The following BIN3 variants were observed in gnomAD, a reference collection of about 807,000 sequenced individuals.
BIN3 encodes the protein bridging integrator 3.
A neutral mutation model predicts 38.2 loss-of-function variants in BIN3; 41 were observed. The ratio of observed to expected loss-of-function variants is 1.07; its 90% CI spans 0.84 to 1.39. The LOEUF is 1.39. Among genes scored for constraint, BIN3 ranks in the 40% most tolerant of loss-of-function variants. BIN3 has a pLI of 0.00. For synonymous variants in BIN3, 145 were observed against 122.6 expected (o/e 1.18, Z -1.21); for missense variants, 361 against 324.3 (o/e 1.11, Z -0.87).
At chr8:22,651,938 G>A (rs1047748970) in intron 1 of BIN3, among the ~76,000 whole-genome samples, 1 of 148,926 alleles carries the variant, frequency 6.7e-6, no homozygotes, top group Non-Finnish European at 1.5e-5. Context: ...CTCCTTGGCT[G>A]GTCCTCTAAT....
At chr8:22,653,100 G>T (rs551248515) in intron 1 of BIN3, among the ~76,000 whole-genome samples, 1 of 152,340 alleles carries the variant, frequency 6.6e-6, no homozygotes, top group South Asian at 2.1e-4. Flanking sequence ...TTCTTGTACA[G>T]TGACTAATCT....
intron 2 of BIN3, among the ~76,000 whole-genome samples, chr8:22,639,234 T>C (rs1802462075): frequency 7.3e-6 from 1 of 137,512 alleles, no homozygotes; most frequent in African/African-American, 2.8e-5. Context: ...GTACTAAGCA[T>C]TTTTTTTTTT....
chr8:22,634,373 C>T (rs1291964159), intron 4 of BIN3: 3 of 414,868 alleles, frequency 7.2e-6, no homozygotes, highest in Non-Finnish European at 1.5e-5. Flanking sequence ...TGGCACAGAC[C>T]AAGACGGCCA....
intron 6 of BIN3, among the ~76,000 whole-genome samples, chr8:22,629,353 C>T (rs914530276): frequency 6.6e-6 from 1 of 152,190 alleles, no homozygotes; most frequent in Non-Finnish European, 1.5e-5. Flanking sequence ...TAAGGCACGG[C>T]TCTGCCTGTT....
At position 22,623,271 on chromosome 8, in the gene BIN3, G is replaced by A. The variant is rs954727402; in HGVS notation, c.615+644C>T. Among the ~76,000 whole-genome samples, 5 of 152,310 alleles carry A rather than the reference G, an allele frequency of 3.3e-5. 1 individual carries two copies. The highest frequency in any genetic ancestry group is 6.5e-5 in the Admixed American group (1 of 15,306). On this transcript the variant is annotated intron_variant, in intron 8 of 8. Coordinates refer to ENST00000276416, the MANE Select transcript of BIN3 (RefSeq NM_018688.6). ...CCTTCCTAAAGGCTTGAAGATGGAG[G>A]AGGGTGAGGAGCATGCCACTCCGTG... is the stretch of plus-strand genomic sequence containing the variant.
intron 1 of BIN3, among the ~76,000 whole-genome samples, chr8:22,649,513 C>G (rs1802815869): frequency 6.6e-6 from 1 of 152,050 alleles, no homozygotes; most frequent in Admixed American, 6.6e-5. Context: ...AAAACCCAGC[C>G]ACGATTCCGC....
At chr8:22,655,810 G>C (rs1044471649) in intron 1 of BIN3, among the ~76,000 whole-genome samples, 2 of 152,152 alleles carry the variant, frequency 1.3e-5, no homozygotes, top group Non-Finnish European at 2.9e-5. Context: ...TGCATTTAGA[G>C]TTTGAGTGTA....
rs996900318 is a variant in BIN3, at chr8:22,669,024, G to A, written c.8+20C>T. 3 of 1,576,116 alleles carry A rather than the reference G, an allele frequency of 1.9e-6. No individual in the cohort carries two copies. The highest frequency in any genetic ancestry group is 2.7e-5 in the African/African-American group (2 of 73,988). On this transcript the variant is annotated intron_variant, in intron 1 of 8. Coordinates refer to ENST00000276416, the MANE Select transcript of BIN3 (RefSeq NM_018688.6). ...CGGGTCCGCGGGTCCAGCAGCTCCC[G>A]CCGCCTGGGCCTCACTCACCAGCTC...
At chr8:22,668,699 G>C (rs1274640850) in intron 1 of BIN3, among the ~76,000 whole-genome samples, 3 of 152,238 alleles carry the variant, frequency 2.0e-5, no homozygotes, top group Non-Finnish European at 2.9e-5. Context: ...ATGCCCACAG[G>C]AGAGAAAGAC....
rs563466303 is a variant in BIN3, at chr8:22,659,656, G to A, written c.8+9388C>T. Reference sequence around the variant, plus strand: ...TCCTGCACTTCACAGGAGAAACAGCGCAGTAGATCAGGGGATGGGCCCTGG... The same window carrying A: ...TCCTGCACTTCACAGGAGAAACAGCACAGTAGATCAGGGGATGGGCCCTGG... On this transcript the variant is annotated intron_variant, in intron 1 of 8. Coordinates refer to ENST00000276416, the MANE Select transcript of BIN3 (RefSeq NM_018688.6). Among the ~76,000 whole-genome samples, 7 of 152,308 alleles carry A rather than the reference G, an allele frequency of 4.6e-5. No homozygotes were observed. In the East Asian group the frequency reaches 1.3e-3, roughly 29 times the overall value.
At chr8:22,660,858 C>T (rs894653479) in intron 1 of BIN3, among the ~76,000 whole-genome samples, 3 of 152,120 alleles carry the variant, frequency 2.0e-5, no homozygotes, top group Non-Finnish European at 4.4e-5. Flanking sequence ...GAGTATCGCA[C>T]CCTGAGATTG....
intron 4 of BIN3, among the ~76,000 whole-genome samples, chr8:22,632,534 A>G (rs1802239265): frequency 1.3e-5 from 2 of 152,248 alleles, no homozygotes; most frequent in Non-Finnish European, 2.9e-5. Flanking sequence ...AACGTTACGT[A>G]TAACTTGATT....
intron 1 of BIN3, among the ~76,000 whole-genome samples, chr8:22,661,747 C>A (rs73212803): frequency 0.042 from 6,448 of 152,082 alleles, 202 homozygotes; most frequent in Non-Finnish European, 0.064. Context: ...TGAGATTTGC[C>A]CACACTGGTA....
intron 4 of BIN3, among the ~76,000 whole-genome samples, chr8:22,631,144 C>A (rs1802185703): frequency 6.6e-6 from 1 of 152,158 alleles, no homozygotes; most frequent in African/African-American, 2.4e-5. Context: ...GTGGCTGTTT[C>A]AATAAAACTT....
rs1409583367 is a variant in BIN3 at position 22,624,057 on chromosome 8, A to G, written c.481-8T>C. 1.2e-6 allele frequency: 2 copies of G among 1,611,340 alleles called. No homozygotes were observed. The highest frequency in any genetic ancestry group is 1.7e-6 in the Non-Finnish European group (2 of 1,178,652). ...CCGCAGCTCCTCTCGTGCCTAGGGA[A>G]CAAGACCTGGGTGTCAAAACTCTCT... On this transcript the variant is annotated splice_polypyrimidine_tract_variant and splice_region_variant and intron_variant, in intron 7 of 8. Transcript: ENST00000276416.
chr8:22,651,501 C>T (rs1802889700), intron 1 of BIN3, among the ~76,000 whole-genome samples: 1 of 152,176 alleles, frequency 6.6e-6, no homozygotes, highest in South Asian at 2.1e-4. Context: ...TTGGTGGGAA[C>T]AAAGTATGTG....
chr8:22,628,878 C>A (rs1324009533), intron 6 of BIN3, among the ~76,000 whole-genome samples: 1 of 152,190 alleles, frequency 6.6e-6, no homozygotes, highest in Non-Finnish European at 1.5e-5. Context: ...CTTTCTGCAC[C>A]CCAGCTCCCT....
intron 2 of BIN3, among the ~76,000 whole-genome samples, chr8:22,641,281 C>T (rs1030103014): frequency 2.0e-5 from 3 of 152,130 alleles, no homozygotes; most frequent in African/African-American, 7.2e-5. Context: ...AGAACCAAGC[C>T]CCAGACGACT....
chr8:22,658,784 G>T (rs886929762), intron 1 of BIN3, among the ~76,000 whole-genome samples: 2 of 152,182 alleles, frequency 1.3e-5, no homozygotes, highest in African/African-American at 4.8e-5. Context: ...ACAGTTTTGG[G>T]GGCGAGGGAG....
Sources: allele counts gnomAD v4.1 joint callset (sites outside exome capture counted in the v4.1 genomes callset), GRCh38; gene constraint gnomAD v4.1.1; transcripts MANE v1.5; gene names NCBI Gene and HGNC (gene_info 2026-07-23, HGNC 2026-07-21).